Variants in DIP2B observed in about 807,000 individuals in gnomAD.
DIP2B encodes the protein DIP2 acetate--CoA ligase B (putative).
DIP2B carries 76 observed loss-of-function variants against 198.0 expected under a neutral mutation model. The ratio of observed to expected loss-of-function variants is 0.38; its 90% CI spans 0.32 to 0.46. The LOEUF (loss-of-function observed/expected upper bound fraction) is 0.46. Among genes scored for constraint, DIP2B ranks in the 20% least tolerant of loss-of-function variants. DIP2B has a pLI of 0.99. For synonymous variants in DIP2B, 701 were observed against 739.1 expected (o/e 0.95, Z 0.84); for missense variants, 1,559 against 1,978.4 (o/e 0.79, Z 4.02).
chr12:50,505,167 G>T lies in DIP2B; in HGVS notation c.27G>T (p.Ser9=). 6.6e-7 allele frequency: 1 copy of T among 1,526,588 alleles called. No homozygotes were observed. 94.6% of individuals were successfully genotyped at this position (1,526,588 alleles called of 1,614,324 possible). The part of the protein sequence containing the change: MAERGLEP[S]PAAVAALPPE... ...TGGCGGAACGAGGCCTGGAGCCGTC[G>T]CCGGCCGCGGTGGCGGCGCTGCCGC... The change falls in exon 1 of 38, where the codon TCG becomes TCT. Residue 9 remains serine, a synonymous_variant. Coordinates refer to ENST00000301180, the MANE Select transcript of DIP2B (RefSeq NM_173602.3).
At chr12:50,553,244 T>C (rs960624635) in intron 1 of DIP2B, among the ~76,000 whole-genome samples, 1 of 152,232 alleles carries the variant, frequency 6.6e-6, no homozygotes, top group Non-Finnish European at 1.5e-5. Context: ...TTTTCCCCAT[T>C]GAGTGGTCTT....
At chr12:50,552,123 G>T (rs1958431910) in intron 1 of DIP2B, among the ~76,000 whole-genome samples, 1 of 152,118 alleles carries the variant, frequency 6.6e-6, no homozygotes, top group South Asian at 2.1e-4. Flanking sequence ...ATGTCTCATT[G>T]TGGTTTTGAT....
At chr12:50,732,901 CCTTTTT>C (rs1940069637) in intron 32 of DIP2B, among the ~76,000 whole-genome samples, 1 of 151,864 alleles carries the variant, frequency 6.6e-6, no homozygotes, top group African/African-American at 2.4e-5. Context: ...ACCTGTTTTT[CCTTTTT>C]CTTTTTTTTT....
At chr12:50,614,521 C>T (rs975123178) in intron 1 of DIP2B, among the ~76,000 whole-genome samples, 3 of 152,184 alleles carry the variant, frequency 2.0e-5, no homozygotes, top group Non-Finnish European at 2.9e-5. Flanking sequence ...GCTGGATATC[C>T]TCCCTTGTTT....
intron 1 of DIP2B, among the ~76,000 whole-genome samples, chr12:50,601,109 A>C (rs1022278882): frequency 6.6e-6 from 1 of 152,040 alleles, no homozygotes; most frequent in African/African-American, 2.4e-5. Context: ...TTATGGTATA[A>C]TTTGTCTTGT....
intron 1 of DIP2B, among the ~76,000 whole-genome samples, chr12:50,537,374 G>T (rs1387491159): frequency 2.0e-5 from 3 of 152,056 alleles, no homozygotes; most frequent in African/African-American, 7.2e-5. Flanking sequence ...GAAATCGGTA[G>T]GATGTGAGGG....
chr12:50,731,849 G>A (rs1279506126), intron 31 of DIP2B, among the ~76,000 whole-genome samples: 2 of 152,196 alleles, frequency 1.3e-5, no homozygotes. Context: ...TTTCCTAATA[G>A]AATTTGAAAC....
At chr12:50,691,437 A>G (rs2139548341) in intron 13 of DIP2B, among the ~76,000 whole-genome samples, 1 of 152,336 alleles carries the variant, frequency 6.6e-6, no homozygotes, top group South Asian at 2.1e-4. Flanking sequence ...AGGTATCTCC[A>G]TCTTCCCCTG....
intron 1 of DIP2B, among the ~76,000 whole-genome samples, chr12:50,545,778 G>A (rs1240963686): frequency 1.3e-5 from 2 of 151,372 alleles, no homozygotes; most frequent in Admixed American, 1.3e-4. Flanking sequence ...TGAGATTACA[G>A]GCGTGTGCCA....
intron 1 of DIP2B, among the ~76,000 whole-genome samples, chr12:50,560,983 C>T (rs1030759089): frequency 6.6e-6 from 1 of 152,120 alleles, no homozygotes; most frequent in African/African-American, 2.4e-5. Flanking sequence ...CTTAATATTT[C>T]TTAAATTTAT....
At chr12:50,701,925 G>A (rs1487153080) in intron 19 of DIP2B, among the ~76,000 whole-genome samples, 1 of 152,096 alleles carries the variant, frequency 6.6e-6, no homozygotes, top group African/African-American at 2.4e-5. Context: ...TAAGCATTTA[G>A]TGTTGTTATA....
At chr12:50,522,612 C>G (rs1958130876) in intron 1 of DIP2B, among the ~76,000 whole-genome samples, 3 of 152,066 alleles carry the variant, frequency 2.0e-5, no homozygotes, top group Non-Finnish European at 4.4e-5. Context: ...GATAGTGGCC[C>G]TGGCTGGGAA....
At chr12:50,678,191 C>T (rs966144915) in intron 7 of DIP2B, among the ~76,000 whole-genome samples, 1 of 151,462 alleles carries the variant, frequency 6.6e-6, no homozygotes, top group Non-Finnish European at 1.5e-5. Context: ...TTACTATCCC[C>T]GTTTTACAGA....
intron 3 of DIP2B, chr12:50,654,998 CT>C: frequency 2.2e-6 from 1 of 449,712 alleles, no homozygotes; most frequent in Non-Finnish European, 4.5e-6. Context: ...CACGTATTTG[CT>C]TTTTTATTTA....
At chr12:50,733,247 TTTC>T (rs1940078768) in intron 32 of DIP2B, among the ~76,000 whole-genome samples, 2 of 84,370 alleles carry the variant, frequency 2.4e-5, no homozygotes, top group Admixed American at 2.1e-4. Context: ...TACCATTTTT[TTTC>T]TTTCTTTTTT....
intron 1 of DIP2B, among the ~76,000 whole-genome samples, chr12:50,527,795 T>G (rs1958180304): frequency 6.6e-6 from 1 of 152,208 alleles, no homozygotes; most frequent in Admixed American, 6.5e-5. Flanking sequence ...TTAAAATGAT[T>G]AAAATGTTAA....
At chr12:50,685,166 T>C (rs558048076) in intron 10 of DIP2B, among the ~76,000 whole-genome samples, 5 of 152,340 alleles carry the variant, frequency 3.3e-5, no homozygotes, top group South Asian at 2.1e-4. Flanking sequence ...TCTCTAGTTG[T>C]TGGGATGTAG....
chr12:50,705,299 G>C (rs1330886303), intron 20 of DIP2B, among the ~76,000 whole-genome samples: 1 of 152,092 alleles, frequency 6.6e-6, no homozygotes, highest in Non-Finnish European at 1.5e-5. Context: ...GGGCAGGGTG[G>C]GTGAGGACAT....
At chr12:50,635,138 A>G (rs1040482236) in intron 2 of DIP2B, among the ~76,000 whole-genome samples, 1 of 152,238 alleles carries the variant, frequency 6.6e-6, no homozygotes, top group African/African-American at 2.4e-5. Flanking sequence ...AATGAGCAGA[A>G]AGAAAAGGAG....
Sources: allele counts gnomAD v4.1 joint callset (sites outside exome capture counted in the v4.1 genomes callset), GRCh38; gene constraint gnomAD v4.1.1; transcripts MANE v1.5; gene names NCBI Gene and HGNC (gene_info 2026-07-23, HGNC 2026-07-21).